The following TMCO4 variants were observed in gnomAD, a reference collection of about 807,000 sequenced individuals.
TMCO4 encodes transmembrane and coiled-coil domain-containing protein 4.
TMCO4 carries 58 observed loss-of-function variants against 64.7 expected under a neutral mutation model. That is an observed-to-expected ratio of 0.90 (90% CI 0.73 to 1.12). TMCO4 has a LOEUF of 1.12. Ranked by LOEUF, TMCO4 falls within the 50% of genes most tolerant of loss-of-function variation. The probability of loss-of-function intolerance (pLI) is 0.00; values close to 1 mark genes in which losing one functional copy is unlikely to be tolerated. For missense variants in TMCO4, 780 were observed against 825.9 expected, an observed-to-expected ratio of 0.94 and a Z score of 0.68; for synonymous variants, 325 against 346.1, an observed-to-expected ratio of 0.94 and a Z score of 0.68.
At chr1:19,702,298 A>G (rs1370677697) in intron 13 of TMCO4, among the ~76,000 whole-genome samples, 2 of 151,570 alleles carry the variant, frequency 1.3e-5, no homozygotes, top group East Asian at 3.9e-4. Flanking sequence ...AAAAAAAAAA[A>G]AAAAAAGTCA....
At chr1:19,759,469 C>T (rs1324811129) in intron 6 of TMCO4, among the ~76,000 whole-genome samples, 1 of 152,196 alleles carries the variant, frequency 6.6e-6, no homozygotes, top group Non-Finnish European at 1.5e-5. Context: ...AGAATAAAGT[C>T]CACATTTCTT....
At chr1:19,754,505 T>C (rs982649715) in intron 7 of TMCO4, among the ~76,000 whole-genome samples, 1 of 152,122 alleles carries the variant, frequency 6.6e-6, no homozygotes, top group Non-Finnish European at 1.5e-5. Context: ...GGGTCTCAAT[T>C]TGGCTTTAGG....
intron 13 of TMCO4, among the ~76,000 whole-genome samples, chr1:19,718,998 C>A (rs1278047610): frequency 6.6e-6 from 1 of 152,190 alleles, no homozygotes; most frequent in Non-Finnish European, 1.5e-5. Flanking sequence ...AGACTCGCCA[C>A]CTAGTTGTAA....
intron 7 of TMCO4, among the ~76,000 whole-genome samples, chr1:19,755,111 T>C (rs1161425583): frequency 1.3e-5 from 2 of 152,052 alleles, no homozygotes; most frequent in African/African-American, 2.4e-5. Flanking sequence ...TTAGCAATCA[T>C]TCATTCCATC....
chr1:19,766,154 T>C (rs1321589469), intron 6 of TMCO4, among the ~76,000 whole-genome samples: 5 of 152,194 alleles, frequency 3.3e-5, no homozygotes, highest in Non-Finnish European at 7.3e-5. Context: ...ATCTTTCTAT[T>C]GCACCCTCCT....
At chr1:19,781,930 G>A (rs1274490438) in intron 3 of TMCO4, among the ~76,000 whole-genome samples, 2 of 152,248 alleles carry the variant, frequency 1.3e-5, no homozygotes, top group East Asian at 1.9e-4. Flanking sequence ...ACAGGCATGA[G>A]CCACCACGCC....
chr1:19,759,806 A>T (rs1328284209), intron 6 of TMCO4, among the ~76,000 whole-genome samples: 2 of 152,114 alleles, frequency 1.3e-5, no homozygotes, highest in African/African-American at 4.8e-5. Flanking sequence ...GGCTTTCCCC[A>T]TTGGAATGTC....
intron 7 of TMCO4, among the ~76,000 whole-genome samples, chr1:19,754,358 A>G (rs1381712275): frequency 2.0e-5 from 3 of 152,228 alleles, no homozygotes; most frequent in Non-Finnish European, 4.4e-5. Context: ...GCATGGATCC[A>G]GGTATTTCTA....
chr1:19,683,063 C>A lies in TMCO4; in HGVS notation c.1882G>T (p.Gly628Cys), dbSNP rs927142101. The A allele has an allele frequency of 5.0e-6, 8 of 1,596,158 alleles. No homozygotes were observed. Among genetic ancestry groups the A allele is most frequent in the South Asian group, 1.1e-5 (1 of 87,870 alleles). Residue 628 changes from glycine to cysteine, a missense_variant, in exon 16 of 16, where the codon GGC becomes TGC. Gly to Cys is a radical substitution (Grantham distance 159). Transcript: ENST00000294543. ...GCPDCACKTQGPSTGLD is the reference protein window; with the variant it reads ...GCPDCACKTQCPSTGLD Reference sequence around the variant, plus strand: ...GGTCAGTCCAGCCCCGTGCTGGGGCCCTGGGTCTTGCAGGCACAATCGGGG... The same window carrying A: ...GGTCAGTCCAGCCCCGTGCTGGGGCACTGGGTCTTGCAGGCACAATCGGGG...
intron 3 of TMCO4, among the ~76,000 whole-genome samples, chr1:19,783,792 C>G (rs2043600336): frequency 6.6e-6 from 1 of 152,228 alleles, no homozygotes; most frequent in Non-Finnish European, 1.5e-5. Context: ...GATCTTATTT[C>G]CCCTGTTTCA....
intron 15 of TMCO4, among the ~76,000 whole-genome samples, chr1:19,685,270 G>A (rs993035110): frequency 6.6e-6 from 1 of 152,220 alleles, no homozygotes; most frequent in Non-Finnish European, 1.5e-5. Context: ...AGGCTGCAGT[G>A]AGCCCTGATT....
intron 6 of TMCO4, among the ~76,000 whole-genome samples, chr1:19,765,593 T>C (rs555070577): frequency 6.6e-6 from 1 of 152,048 alleles, no homozygotes; most frequent in Non-Finnish European, 1.5e-5. Flanking sequence ...AAACATCAAT[T>C]GTGTGGAGGT....
At chr1:19,722,803 G>A (rs7523625) in intron 13 of TMCO4, among the ~76,000 whole-genome samples, 92 of 152,282 alleles carry the variant, frequency 6.0e-4, no homozygotes, top group African/African-American at 2.2e-3. Context: ...CACAAGCTCT[G>A]ACCCTGGGGC....
At chr1:19,764,558 T>G (rs1223471722) in intron 6 of TMCO4, among the ~76,000 whole-genome samples, 1 of 152,148 alleles carries the variant, frequency 6.6e-6, no homozygotes, top group Non-Finnish European at 1.5e-5. Flanking sequence ...TTATAAACTG[T>G]ATGAGTCTCA....
At chr1:19,776,618 T>C (rs1286750869) in intron 4 of TMCO4, among the ~76,000 whole-genome samples, 1 of 152,244 alleles carries the variant, frequency 6.6e-6, no homozygotes, top group Non-Finnish European at 1.5e-5. Flanking sequence ...CATCAACACA[T>C]ACCCTCCTTA....
chr1:19,769,350 G>A (rs1290179273), intron 6 of TMCO4, among the ~76,000 whole-genome samples: 2 of 152,066 alleles, frequency 1.3e-5, no homozygotes, highest in African/African-American at 4.8e-5. Context: ...TGCTGAAGCC[G>A]GCCATCTGCA....
chr1:19,778,790 C>A (rs1423181658), intron 4 of TMCO4, among the ~76,000 whole-genome samples: 1 of 152,188 alleles, frequency 6.6e-6, no homozygotes, highest in Non-Finnish European at 1.5e-5. Flanking sequence ...TTTCACGAAC[C>A]TTTACCAGGT....
Position 19,745,627 on chromosome 1 carries a change from C to T in TMCO4, c.782G>A (p.Gly261Glu), listed in dbSNP as rs1382470001. ...LTGYKMKKRV[G>E]AIEEFTFLPL... ...CAGAAACGTGAACTCTTCAATGGCT[C>T]CCACTCGCTTCTTCATCTTGTATCC... is the stretch of plus-strand genomic sequence containing the variant. Residue 261 changes from glycine to glutamate, a missense_variant, in exon 10 of 16, where the codon GGA becomes GAA. By Grantham distance (98) the Gly-to-Glu change is moderately conservative (BLOSUM62 -2). Transcript: ENST00000294543. 6.2e-7 allele frequency: 1 copy of T among 1,612,824 alleles called. No individual in the cohort carries two copies. The highest frequency in any genetic ancestry group is 8.5e-7 in the Non-Finnish European group (1 of 1,179,134).
chr1:19,715,990 G>T (rs560036801), intron 13 of TMCO4, among the ~76,000 whole-genome samples: 4 of 152,246 alleles, frequency 2.6e-5, no homozygotes, highest in African/African-American at 9.6e-5. Flanking sequence ...TGCCTGGAGG[G>T]CAAGGCCATT....
Sources: gnomAD v4.1 joint callset for allele counts (sites outside exome capture counted in the v4.1 genomes callset) on GRCh38, gnomAD v4.1.1 for gene constraint, MANE v1.5 for transcripts, NCBI Gene and HGNC (gene_info 2026-07-23, HGNC 2026-07-21) for gene names.